The following UNC13C variants were observed in gnomAD, a reference collection of about 807,000 sequenced individuals.
UNC13C encodes the protein unc-13 homolog C.
In UNC13C, 174 loss-of-function variants were observed where a neutral mutation model predicts 245.4. The observed-to-expected ratio is 0.71, with a 90% CI of 0.63 to 0.80. UNC13C has a LOEUF of 0.80. Among genes scored for constraint, UNC13C ranks in the 30% least tolerant of loss-of-function variants. The probability of loss-of-function intolerance (pLI) is 0.00; values close to 1 mark genes in which losing one functional copy is unlikely to be tolerated. For missense variants in UNC13C, 2,829 were observed against 2,602.9 expected (o/e 1.09, Z -1.89); for synonymous variants, 992 against 895.1 (o/e 1.11, Z -1.93).
At chr15:54,585,594 C>T (rs1196281604) in intron 30 of UNC13C, among the ~76,000 whole-genome samples, 1 of 152,140 alleles carries the variant, frequency 6.6e-6, no homozygotes, top group African/African-American at 2.4e-5. Context: ...CCTGTATTCT[C>T]ACTGGGACTG....
intron 30 of UNC13C, among the ~76,000 whole-genome samples, chr15:54,602,124 G>T (rs1488216458): frequency 6.6e-6 from 1 of 152,204 alleles, no homozygotes; most frequent in Admixed American, 6.5e-5. Flanking sequence ...GAAAAGGAAT[G>T]AGCTCCTGAA....
At chr15:54,621,408 A>G in intron 30 of UNC13C, among the ~76,000 whole-genome samples, 1 of 152,204 alleles carries the variant, frequency 6.6e-6, no homozygotes, top group East Asian at 1.9e-4. Context: ...CAATTGAAAT[A>G]TGGTTAAATT....
intron 1 of UNC13C, among the ~76,000 whole-genome samples, chr15:53,990,968 G>C (rs893978758): frequency 2.0e-5 from 3 of 151,972 alleles, no homozygotes; most frequent in African/African-American, 7.2e-5. Flanking sequence ...TGTAGGGATG[G>C]GGAGTACAAA....
At chr15:54,113,918 G>C (rs951230842) in intron 2 of UNC13C, among the ~76,000 whole-genome samples, 1 of 152,094 alleles carries the variant, frequency 6.6e-6, no homozygotes, top group East Asian at 1.9e-4. Context: ...CGTTTTGCTG[G>C]AAGTGGCTCC....
At chr15:54,581,342 A>T (rs1315983352) in intron 30 of UNC13C, among the ~76,000 whole-genome samples, 3 of 152,226 alleles carry the variant, frequency 2.0e-5, no homozygotes, top group Admixed American at 2.0e-4. Context: ...CAGCCTCAGG[A>T]TTACCTGCTC....
At chr15:54,107,698 AAC>A (rs1900516681) in intron 2 of UNC13C, among the ~76,000 whole-genome samples, 1 of 152,226 alleles carries the variant, frequency 6.6e-6, no homozygotes, top group Non-Finnish European at 1.5e-5. Context: ...TGTGATATGT[AAC>A]ACAGAGTAGA....
At chr15:54,116,273 C>A (rs1294714255) in intron 2 of UNC13C, among the ~76,000 whole-genome samples, 1 of 151,970 alleles carries the variant, frequency 6.6e-6, no homozygotes, top group Non-Finnish European at 1.5e-5. Context: ...CTTTATGCTA[C>A]AAACATTTGA....
chr15:54,411,226 A>G (rs1280377623), intron 18 of UNC13C, among the ~76,000 whole-genome samples: 2 of 152,144 alleles, frequency 1.3e-5, no homozygotes, highest in Non-Finnish European at 2.9e-5. Flanking sequence ...AGTGTAATGT[A>G]TATATCCTGA....
chr15:54,033,477 A>T (rs1317948874), intron 2 of UNC13C, among the ~76,000 whole-genome samples: 1 of 152,142 alleles, frequency 6.6e-6, no homozygotes, highest in African/African-American at 2.4e-5. Flanking sequence ...CTTGAAGATC[A>T]TTGAGAGCAG....
At chr15:54,422,312 T>G (rs2040661766) in intron 19 of UNC13C, among the ~76,000 whole-genome samples, 1 of 152,042 alleles carries the variant, frequency 6.6e-6, no homozygotes, top group Non-Finnish European at 1.5e-5. Flanking sequence ...CCCCTTCACT[T>G]TGATACCTAT....
chr15:53,972,928 T>A, the UNC13C span: 1 of 152,128 alleles, frequency 6.6e-6, no homozygotes, highest in Non-Finnish European at 1.5e-5. Context: ...AACTTTATTG[T>A]CAAGCATGGA....
intron 17 of UNC13C, among the ~76,000 whole-genome samples, chr15:54,368,393 C>T (rs1471633803): frequency 6.6e-6 from 1 of 151,818 alleles, no homozygotes; most frequent in Non-Finnish European, 1.5e-5. Context: ...ATGTTATCTC[C>T]TCTATGAAGT....
chr15:53,940,007 A>G, the UNC13C span, among the ~76,000 whole-genome samples: 1 of 152,050 alleles, frequency 6.6e-6, no homozygotes, highest in Non-Finnish European at 1.5e-5. Flanking sequence ...CAGCTAGATG[A>G]AGGAACTTAG....
chr15:54,426,106 A>C (rs1274850071), intron 19 of UNC13C, among the ~76,000 whole-genome samples: 1 of 151,680 alleles, frequency 6.6e-6, no homozygotes, highest in Non-Finnish European at 1.5e-5. Flanking sequence ...ATCCAGCATA[A>C]TCTTTTGTCT....
chr15:54,612,488 T>C (rs1485182878), intron 30 of UNC13C, among the ~76,000 whole-genome samples: 1 of 152,022 alleles, frequency 6.6e-6, no homozygotes, highest in Non-Finnish European at 1.5e-5. Flanking sequence ...ATGTTTTTTG[T>C]TTTTAAGTTT....
In UNC13C at chr15:54,014,216, A is replaced by G. The variant is rs1312728198; in HGVS notation, c.1313A>G (p.Glu438Gly). 2 of 1,613,824 alleles carry G rather than the reference A, an allele frequency of 1.2e-6. No individual in the cohort carries two copies. The highest frequency in any genetic ancestry group is 1.7e-6 in the Non-Finnish European group (2 of 1,179,854). The change falls in exon 2 of 33, where the codon GAG (glutamate) becomes GGG (glycine). Residue 438 changes from glutamate to glycine, a missense_variant. Physicochemically the swap from Glu to Gly is moderately conservative, Grantham distance 98. Transcript: ENST00000260323. The stretch of plus-strand genomic sequence containing the variant: ...ATGGCTATAAAGTTGTCTACTCCAG[A>G]GCCAAAAATCAAGAAGAACAATTGG... The part of the protein sequence containing the change: ...ESMAIKLSTP[E>G]PKIKKNNWQS...
At chr15:54,504,828 G>A (rs768622382) in intron 22 of UNC13C, among the ~76,000 whole-genome samples, 2 of 152,148 alleles carry the variant, frequency 1.3e-5, no homozygotes, top group Non-Finnish European at 2.9e-5. Flanking sequence ...ATAACTGGAA[G>A]TGTTGACAGG....
chr15:54,619,192 C>A (rs1217805744), intron 30 of UNC13C, among the ~76,000 whole-genome samples: 1 of 152,106 alleles, frequency 6.6e-6, no homozygotes, highest in East Asian at 1.9e-4. Context: ...GTGAGCCTTT[C>A]TCCATGTAAA....
chr15:54,580,878 C>T (rs1210362334), intron 30 of UNC13C, among the ~76,000 whole-genome samples: 1 of 152,166 alleles, frequency 6.6e-6, no homozygotes, highest in Non-Finnish European at 1.5e-5. Context: ...ATCTGTGACA[C>T]CTGAATGATT....
Sources: allele counts gnomAD v4.1 joint callset (sites outside exome capture counted in the v4.1 genomes callset), GRCh38; gene constraint gnomAD v4.1.1; transcripts MANE v1.5; gene names NCBI Gene and HGNC (gene_info 2026-07-23, HGNC 2026-07-21).